The following NLN variants were observed in gnomAD, a reference collection of about 807,000 sequenced individuals.
NLN encodes neurolysin, mitochondrial.
In NLN, 64 loss-of-function variants were observed where a neutral mutation model predicts 79.9. The observed-to-expected ratio is 0.80, with a 90% confidence interval of 0.65 to 0.99. NLN has a LOEUF of 0.99. Ranked by LOEUF, NLN falls within the 50% of genes least tolerant of loss-of-function variation. NLN has a pLI of 0.00. For synonymous variants in NLN, 267 were observed against 296.6 expected (o/e 0.90, Z 1.02); for missense variants, 835 against 858.7 (o/e 0.97, Z 0.34).
At chr5:65,804,200 T>C (rs750407351) in intron 9 of NLN, among the ~76,000 whole-genome samples, 1 of 152,206 alleles carries the variant, frequency 6.6e-6, no homozygotes, top group Non-Finnish European at 1.5e-5. Flanking sequence ...GTGGTTAAGA[T>C]TGTGGGTTAT....
chr5:65,730,158 A>G (rs1758574692), intron 1 of NLN, among the ~76,000 whole-genome samples: 1 of 152,264 alleles, frequency 6.6e-6, no homozygotes. Flanking sequence ...TGGAACTTAC[A>G]TTCCAGTGGG....
intron 1 of NLN, among the ~76,000 whole-genome samples, chr5:65,736,926 C>A (rs1406505155): frequency 6.6e-6 from 1 of 151,970 alleles, no homozygotes; most frequent in Non-Finnish European, 1.5e-5. Context: ...TATAGGAACA[C>A]CCTGTATCTA....
chr5:65,809,246 A>G (rs933534344), intron 9 of NLN: 23 of 309,612 alleles, frequency 7.4e-5, no homozygotes, highest in African/African-American at 4.9e-4. Context: ...TGTATTTTTC[A>G]GTTCTGGTTT....
At chr5:65,786,830 C>G (rs1361222779) in intron 7 of NLN, among the ~76,000 whole-genome samples, 2 of 152,018 alleles carry the variant, frequency 1.3e-5, no homozygotes, top group East Asian at 3.8e-4. Flanking sequence ...CCACTGTGCT[C>G]CAGCCTGGGT....
At chr5:65,772,020 A>G (rs901769694) in intron 3 of NLN, among the ~76,000 whole-genome samples, 1 of 149,728 alleles carries the variant, frequency 6.7e-6, no homozygotes, top group African/African-American at 2.4e-5. Context: ...TTTATTTTCC[A>G]TGTCTTCTTG....
chr5:65,747,692 G>A (rs933550969), intron 1 of NLN, among the ~76,000 whole-genome samples: 1 of 152,178 alleles, frequency 6.6e-6, no homozygotes, highest in African/African-American at 2.4e-5. Flanking sequence ...CTCAGTGCAA[G>A]ATATGTACAA....
chr5:65,789,810 A>G (rs1397122861), intron 8 of NLN, among the ~76,000 whole-genome samples: 1 of 152,220 alleles, frequency 6.6e-6, no homozygotes, highest in Non-Finnish European at 1.5e-5. Context: ...TCTGCCAATA[A>G]TCTATGGCCA....
chr5:65,781,418 A>C lies in NLN; in HGVS notation c.819A>C (p.Lys273Asn), dbSNP rs745711624. 1.3e-6 allele frequency: 2 copies of C among 1,595,982 alleles called. No homozygotes were observed. Among genetic ancestry groups the C allele is most frequent in the Admixed American group, 1.7e-5 (1 of 58,418 alleles). ...RMEMAFNTRC[K>N]EENTIILQQL... Reference sequence around the variant, plus strand: ...AAATGGCTTTTAATACAAGGTGCAAAGAGGTATTATAAATGTTTGTCTTTC... The same window carrying C: ...AAATGGCTTTTAATACAAGGTGCAACGAGGTATTATAAATGTTTGTCTTTC... Residue 273 changes from lysine (K) to asparagine (N), a missense_variant, in exon 6 of 13, where the codon AAA (lysine) becomes AAC (asparagine). Lys to Asn is a moderately conservative substitution (Grantham distance 94, BLOSUM62 0). Transcript: ENST00000380985.
intron 8 of NLN, among the ~76,000 whole-genome samples, chr5:65,790,795 T>C (rs891414656): frequency 6.6e-6 from 1 of 152,262 alleles, no homozygotes; most frequent in Non-Finnish European, 1.5e-5. Flanking sequence ...TATCAGGATA[T>C]AGTTTTAACC....
rs60318355 is a variant in NLN at position 65,821,532 on chromosome 5, A to T, written c.1981-1249A>T. ...GTAGATATAGTGGTTTAAAATAGTA[A>T]AATTAATTTTACCTATTTGTTTCTT... On this transcript the variant is annotated intron_variant, in intron 12 of 12. Transcript: ENST00000380985. 3.8e-4 allele frequency among the ~76,000 whole-genome samples: 58 copies of T among 152,340 alleles called. 1 individual carries two copies. In the East Asian group the frequency reaches 6.7e-3, roughly 18 times the overall value.
At chr5:65,751,780 G>A (rs749970621) in intron 1 of NLN, among the ~76,000 whole-genome samples, 1 of 152,116 alleles carries the variant, frequency 6.6e-6, no homozygotes. Context: ...ATGAAATTCT[G>A]TAACCTGATG....
chr5:65,780,254 T>C lies in NLN; in HGVS notation c.634T>C (p.Phe212Leu). Residue 212 changes from phenylalanine (F) to leucine (L), a missense_variant, in exon 5 of 13, where the codon TTC becomes CTC. Coordinates refer to ENST00000380985, the MANE Select transcript of NLN (RefSeq NM_020726.5). ...CAAAAACCTCAATGAGGATGATACC[T>C]TCCTTGTATTTTCCAAGGCTGAACT... is the stretch of plus-strand genomic sequence containing the variant. ...FNKNLNEDDTFLVFSKAELGA... is the reference protein window; with the variant it reads ...FNKNLNEDDTLLVFSKAELGA... 1 of 1,445,882 alleles carries C rather than the reference T, an allele frequency of 6.9e-7. No individual in the cohort carries two copies. The highest frequency in any genetic ancestry group is 1.2e-5 in the South Asian group (1 of 81,622). 89.6% of individuals were successfully genotyped at this position (1,445,882 alleles called of 1,614,324 possible). A position where few individuals can be genotyped will look rare whatever the true frequency, so the allele number is the denominator to read the frequency against.
chr5:65,750,332 C>T (rs1008756359), intron 1 of NLN, among the ~76,000 whole-genome samples: 7 of 152,210 alleles, frequency 4.6e-5, no homozygotes, highest in Non-Finnish European at 8.8e-5. Flanking sequence ...TAAATAACCA[C>T]ATGTACCTGC....
intron 9 of NLN, among the ~76,000 whole-genome samples, chr5:65,796,497 G>A (rs1760176986): frequency 6.6e-6 from 1 of 152,152 alleles, no homozygotes; most frequent in South Asian, 2.1e-4. Flanking sequence ...AGTTCTTAAA[G>A]TTTTGCCTAA....
chr5:65,757,368 C>T (rs900398119), intron 1 of NLN, among the ~76,000 whole-genome samples: 1 of 152,134 alleles, frequency 6.6e-6, no homozygotes, highest in African/African-American at 2.4e-5. Context: ...TTAATCCTAC[C>T]TGTGACCCTA....
intron 1 of NLN, among the ~76,000 whole-genome samples, chr5:65,756,746 G>C (rs886422568): frequency 3.7e-4 from 57 of 152,060 alleles, no homozygotes; most frequent in Non-Finnish European, 6.6e-4. Flanking sequence ...TAAGCAATCT[G>C]CCTGCCTCAC....
At chr5:65,788,944 C>G (rs1759996054) in intron 8 of NLN, among the ~76,000 whole-genome samples, 1 of 151,392 alleles carries the variant, frequency 6.6e-6, no homozygotes, top group Non-Finnish European at 1.5e-5. Context: ...TGCACTCCAG[C>G]CTGGGTGACA....
At chr5:65,759,122 A>G (rs566609823) in intron 2 of NLN, among the ~76,000 whole-genome samples, 2 of 152,320 alleles carry the variant, frequency 1.3e-5, no homozygotes, top group South Asian at 2.1e-4. Flanking sequence ...AAATAATCAT[A>G]TATATGGAAA....
intron 1 of NLN, among the ~76,000 whole-genome samples, chr5:65,738,679 AT>A (rs1758789940): frequency 6.6e-6 from 1 of 151,888 alleles, no homozygotes; most frequent in Non-Finnish European, 1.5e-5. Flanking sequence ...TCTAAGTGAA[AT>A]TTTGTATCCT....
Sources: gnomAD v4.1 joint callset for allele counts (sites outside exome capture counted in the v4.1 genomes callset) on GRCh38, gnomAD v4.1.1 for gene constraint, MANE v1.5 for transcripts, NCBI Gene and HGNC (gene_info 2026-07-23, HGNC 2026-07-21) for gene names.